The following UBE3C variants were observed in gnomAD, a reference collection of about 807,000 sequenced individuals.
The protein encoded by UBE3C is ubiquitin protein ligase E3C.
In UBE3C, 42 loss-of-function variants were observed where a neutral mutation model predicts 129.4. That is an observed-to-expected ratio of 0.32 (90% CI 0.25 to 0.42). UBE3C has a LOEUF of 0.42. Among genes scored for constraint, UBE3C ranks in the 10% least tolerant of loss-of-function variants. The probability of loss-of-function intolerance (pLI) is 1.00; values close to 1 mark genes in which losing one functional copy is unlikely to be tolerated. For synonymous variants in UBE3C, 510 were observed against 492.4 expected (o/e 1.04, Z -0.47); for missense variants, 1,049 against 1,319.1 (o/e 0.80, Z 3.17).
At chr7:157,219,754 C>G (rs1252515005) in intron 14 of UBE3C, among the ~76,000 whole-genome samples, 2 of 152,092 alleles carry the variant, frequency 1.3e-5, no homozygotes, top group Non-Finnish European at 2.9e-5. Context: ...CAAAAGTTAG[C>G]CAGGCATAGT....
At chr7:157,197,833 G>A (rs1011927986) in intron 10 of UBE3C, 3 of 1,612,314 alleles carry the variant, frequency 1.9e-6, no homozygotes, top group Middle Eastern at 1.6e-4. Flanking sequence ...TTTGTTGTTG[G>A]CACTGAATCA....
intron 1 of UBE3C, 92 bp downstream of exon 1, chr7:157,139,430 C>G: frequency 8.4e-7 from 1 of 1,191,444 alleles, no homozygotes; most frequent in Non-Finnish European, 1.1e-6. Context: ...GGGCTGGACT[C>G]GGGGCCGAGA....
At position 157,139,096 on chromosome 7, in the gene UBE3C, C is replaced by T; in HGVS notation, c.-177C>T. The T allele has an allele frequency of 5.4e-6, 1 of 184,520 alleles. No individual in the cohort carries two copies. Among genetic ancestry groups the T allele is most frequent in the Non-Finnish European group, 1.0e-5 (1 of 96,362 alleles). The allele number at this position is 184,520 out of a possible 1,614,324, so 11.4% of individuals were successfully genotyped here. ...TCCAGTATTGCCGCCCCTCCCGCCC[C>T]AGGGCAGGGCTGGGAGGGTACAGCC... On this transcript the variant is annotated 5_prime_UTR_variant, in exon 1 of 23. An upstream open reading frame in the 5' UTR gains an earlier in-frame stop. Coordinates refer to ENST00000348165, the MANE Select transcript of UBE3C (RefSeq NM_014671.3).
intron 22 of UBE3C, among the ~76,000 whole-genome samples, chr7:157,257,934 T>G (rs1796797339): frequency 6.7e-6 from 1 of 149,770 alleles, no homozygotes; most frequent in Admixed American, 6.7e-5. Context: ...TCACTTTCTT[T>G]TTTCCTTTTT....
chr7:157,259,798 T>G (rs1796850461), intron 22 of UBE3C, among the ~76,000 whole-genome samples: 1 of 152,162 alleles, frequency 6.6e-6, no homozygotes, highest in Non-Finnish European at 1.5e-5. Context: ...CTCTGTAAAT[T>G]TGCTAAAATC....
intron 18 of UBE3C, among the ~76,000 whole-genome samples, chr7:157,245,820 A>T (rs573347567): frequency 6.6e-6 from 1 of 151,942 alleles, no homozygotes; most frequent in Admixed American, 6.6e-5. Context: ...GTGAAACTCC[A>T]TCTCTACTAA....
At chr7:157,160,431 C>T (rs1808039618) in intron 1 of UBE3C, among the ~76,000 whole-genome samples, 3 of 152,072 alleles carry the variant, frequency 2.0e-5, no homozygotes. Context: ...GGGGGGATGC[C>T]TTCTGTTTGT....
Position 157,267,464 on chromosome 7 carries a change from A to T in UBE3C, c.3082-121A>T, listed in dbSNP as rs186388598. 7.2e-6 allele frequency: 9 copies of T among 1,248,794 alleles called. No individual in the cohort carries two copies. In the East Asian group the frequency reaches 2.2e-4, roughly 31 times the overall value. 77.4% of individuals were successfully genotyped at this position (1,248,794 alleles called of 1,614,324 possible). A position where few individuals can be genotyped will look rare whatever the true frequency, so the allele number is the denominator to read the frequency against. On this transcript the variant is annotated intron_variant, in intron 22 of 22. Coordinates refer to ENST00000348165, the MANE Select transcript of UBE3C (RefSeq NM_014671.3). ...ACAACAAAGCAAATGTGGTTTCGGGAAAATGTGACTGCAATGGTAACTTTA... is the reference window on the plus strand; with the variant it reads ...ACAACAAAGCAAATGTGGTTTCGGGTAAATGTGACTGCAATGGTAACTTTA...
intron 6 of UBE3C, among the ~76,000 whole-genome samples, chr7:157,179,147 T>C (rs1808603048): frequency 6.6e-6 from 1 of 151,904 alleles, no homozygotes; most frequent in African/African-American, 2.4e-5. Flanking sequence ...AAGATTGGTG[T>C]CTGCAGTGCA....
chr7:157,210,166 C>T (rs1221162143), intron 13 of UBE3C, among the ~76,000 whole-genome samples: 1 of 151,912 alleles, frequency 6.6e-6, no homozygotes, highest in Non-Finnish European at 1.5e-5. Flanking sequence ...GGTAGGGTGA[C>T]TCTCTCTCCA....
At chr7:157,184,373 C>T (rs1423146008) in intron 9 of UBE3C, among the ~76,000 whole-genome samples, 6 of 152,136 alleles carry the variant, frequency 3.9e-5, no homozygotes, top group East Asian at 3.9e-4. Flanking sequence ...CTGTGAACAC[C>T]GGGTAGTGTC....
In UBE3C at chr7:157,139,171, G is replaced by A. The variant is rs1305613759; in HGVS notation, c.-102G>A. ...CGGCCGCCGCGTCCTCGCTGCCCCG[G>A]GCCGGGCGGGCGGGCGCCGAGAGCC... On this transcript the variant is annotated 5_prime_UTR_variant, in exon 1 of 23. Transcript: ENST00000348165. The A allele has an allele frequency of 1.7e-5, 14 of 845,036 alleles. No individual in the cohort carries two copies. The African/African-American group carries it at 2.2e-4, about 13-fold the overall frequency. 52.3% of individuals were successfully genotyped at this position (845,036 alleles called of 1,614,324 possible).
At chr7:157,234,721 T>A (rs1202581792) in intron 18 of UBE3C, among the ~76,000 whole-genome samples, 1 of 152,218 alleles carries the variant, frequency 6.6e-6, no homozygotes, top group Non-Finnish European at 1.5e-5. Context: ...TATCATCATC[T>A]TCAGGCTCAC....
At chr7:157,162,541 A>AC (rs1808100653) in intron 1 of UBE3C, among the ~76,000 whole-genome samples, 1 of 140,702 alleles carries the variant, frequency 7.1e-6, no homozygotes, top group Non-Finnish European at 1.5e-5. Context: ...CCAATCTTGA[A>AC]CTTTTTTTTT....
chr7:157,190,889 T>C (rs1364066607), intron 10 of UBE3C, among the ~76,000 whole-genome samples: 4 of 152,228 alleles, frequency 2.6e-5, no homozygotes, highest in Admixed American at 6.5e-5. Flanking sequence ...CGCTTTTTTA[T>C]GCCTCCATGG....
chr7:157,188,398 T>C (rs937593311), intron 10 of UBE3C, among the ~76,000 whole-genome samples: 2 of 152,208 alleles, frequency 1.3e-5, no homozygotes, highest in Non-Finnish European at 2.9e-5. Context: ...CTGGTGTTTA[T>C]TACCATCGGA....
intron 4 of UBE3C, 132 bp downstream of exon 4, chr7:157,170,582 A>G: frequency 1.1e-6 from 1 of 950,570 alleles, no homozygotes; most frequent in East Asian, 3.2e-5. Flanking sequence ...CTTCTCAGCT[A>G]GCTGTGAGAG....
chr7:157,220,476 A>G (rs1795707371), intron 14 of UBE3C, among the ~76,000 whole-genome samples: 1 of 152,254 alleles, frequency 6.6e-6, no homozygotes, highest in South Asian at 2.1e-4. Flanking sequence ...GGGGCATATT[A>G]GAAAACATAG....
chr7:157,200,796 C>T (rs1180382915), intron 10 of UBE3C, among the ~76,000 whole-genome samples: 1 of 151,968 alleles, frequency 6.6e-6, no homozygotes, highest in Non-Finnish European at 1.5e-5. Flanking sequence ...CCCAACTTTT[C>T]ATAGAGATGA....
Sources: allele counts gnomAD v4.1 joint callset (sites outside exome capture counted in the v4.1 genomes callset), GRCh38; gene constraint gnomAD v4.1.1; transcripts MANE v1.5; gene names NCBI Gene and HGNC (gene_info 2026-07-23, HGNC 2026-07-21).